The following CPS1 variants were observed in gnomAD, a reference collection of about 807,000 sequenced individuals.
CPS1 encodes carbamoyl-phosphate synthase 1, also known as carbamoyl-phosphate synthase [ammonia], mitochondrial.
In CPS1, 109 loss-of-function variants were observed where a neutral mutation model predicts 174.6. The observed-to-expected ratio is 0.62, with a 90% CI of 0.53 to 0.73. The LOEUF (loss-of-function observed/expected upper bound fraction) is 0.73, where lower values mean the gene tolerates loss of function less well. CPS1 is among the 30% of genes least tolerant of loss of function. CPS1 has a pLI of 0.00. For synonymous variants in CPS1, 637 were observed against 632.0 expected (o/e 1.01, Z -0.12); for missense variants, 1,689 against 1,821.9 (o/e 0.93, Z 1.33).
rs146010641 is a variant in CPS1 at position 210,600,259 on chromosome 2, G to C, written c.1550-296G>C. 3.7e-3 allele frequency among the ~76,000 whole-genome samples: 559 copies of C among 151,964 alleles called. 6 individuals carry two copies. Among genetic ancestry groups the C allele is most frequent in the African/African-American group, 0.012 (506 of 41,512 alleles). On this transcript the variant is annotated intron_variant, in intron 14 of 37. Coordinates refer to ENST00000233072, the MANE Select transcript of CPS1 (RefSeq NM_001875.5). ...ATCTCATTATAGAAATGGACTTTAG[G>C]AGGAAAGGGAATATATTGAAATCTT...
intron 34 of CPS1, chr2:210,671,975 T>C (rs1701321404): frequency 1.3e-5 from 2 of 152,154 alleles, no homozygotes; most frequent in African/African-American, 4.8e-5. Flanking sequence ...TATTACACAA[T>C]GAGTGAACGA....
chr2:210,667,345 A>G (rs543087611), intron 33 of CPS1, among the ~76,000 whole-genome samples: 6 of 151,988 alleles, frequency 3.9e-5, no homozygotes, highest in Admixed American at 3.3e-4. Context: ...ATTGCCCTGT[A>G]TTTACTCTAA....
upstream of CPS1, among the ~76,000 whole-genome samples, chr2:210,555,269 T>G (rs1696877256): frequency 6.6e-6 from 1 of 152,026 alleles, no homozygotes; most frequent in Non-Finnish European, 1.5e-5. Context: ...TTTGCATCCT[T>G]CAGTATAACA....
chr2:210,579,013 C>T lies in CPS1; in HGVS notation c.472-701C>T, dbSNP rs946893347. ...GTAGAAAAGAATCCAAGATAATAACCAGTTCACCTCCTTCAATTTACCGGT... is the reference window on the plus strand; with the variant it reads ...GTAGAAAAGAATCCAAGATAATAACTAGTTCACCTCCTTCAATTTACCGGT... On this transcript the variant is annotated intron_variant, in intron 4 of 37. Coordinates refer to ENST00000233072, the MANE Select transcript of CPS1 (RefSeq NM_001875.5). Among the ~76,000 whole-genome samples the T allele has an allele frequency of 2.0e-5, 3 of 152,052 alleles. No homozygotes were observed. The South Asian group carries it at 6.2e-4, about 32-fold the overall frequency.
intron 1 of CPS1, among the ~76,000 whole-genome samples, chr2:210,550,966 GTTTCT>G: frequency 6.6e-6 from 1 of 151,790 alleles, no homozygotes; most frequent in African/African-American, 2.4e-5. Flanking sequence ...TGAACATTGA[GTTTCT>G]TTTCTTAAAT....
chr2:210,507,380 C>T (rs544539978), intron 1 of CPS1, among the ~76,000 whole-genome samples: 2 of 152,258 alleles, frequency 1.3e-5, no homozygotes, highest in East Asian at 3.9e-4. Flanking sequence ...GAAGGAAGCA[C>T]TAAACATGGA....
chr2:210,498,932 C>T (rs765676164), intron 1 of CPS1, among the ~76,000 whole-genome samples: 1 of 152,160 alleles, frequency 6.6e-6, no homozygotes, highest in Non-Finnish European at 1.5e-5. Flanking sequence ...TGTGCTTCAC[C>T]ATGGTGTCTG....
rs1698246518 is a variant in CPS1 at position 210,590,202 on chromosome 2, C to G, written c.808C>G (p.Leu270Val). 6.2e-7 allele frequency: 1 copy of G among 1,612,850 alleles called. No individual in the cohort carries two copies. The highest frequency in any genetic ancestry group is 1.1e-5 in the South Asian group (1 of 91,062). ...LIAGGPGNPA[L>V]AEPLIQNVRK... ...CGCGGGAGGACCGGGGAACCCAGCT[C>G]TTGCAGAACCACTAATTCAGAATGT... The change falls in exon 8 of 38, where the codon CTT becomes GTT. Residue 270 changes from leucine to valine, a missense_variant. By Grantham distance (32) the Leu-to-Val change is conservative. Transcript: ENST00000233072.
chr2:210,505,142 C>A (rs894138019), intron 1 of CPS1, among the ~76,000 whole-genome samples: 1 of 151,580 alleles, frequency 6.6e-6, no homozygotes, highest in Non-Finnish European at 1.5e-5. Flanking sequence ...CTGAAATGAG[C>A]TATTTCCAAG....
At chr2:210,537,395 A>G (rs1313217817) in intron 1 of CPS1, among the ~76,000 whole-genome samples, 3 of 152,204 alleles carry the variant, frequency 2.0e-5, no homozygotes, top group African/African-American at 4.8e-5. Context: ...GGGTTAATAA[A>G]GGATTTGTGT....
At chr2:210,633,525 T>A (rs1235457598) in intron 21 of CPS1, among the ~76,000 whole-genome samples, 1 of 152,228 alleles carries the variant, frequency 6.6e-6, no homozygotes, top group African/African-American at 2.4e-5. Context: ...AAATTATGCA[T>A]ATTCCAGAAA....
intron 1 of CPS1, among the ~76,000 whole-genome samples, chr2:210,557,388 T>A (rs1559075201): frequency 1.3e-5 from 2 of 152,144 alleles, no homozygotes; most frequent in South Asian, 2.1e-4. Flanking sequence ...CTTTTCCTTC[T>A]GGCTGTTTTT....
At chr2:210,631,971 C>T (rs1175403796) in intron 21 of CPS1, among the ~76,000 whole-genome samples, 2 of 152,124 alleles carry the variant, frequency 1.3e-5, no homozygotes, top group Non-Finnish European at 2.9e-5. Context: ...ACATTTCTAG[C>T]TGGGCATAAA....
chr2:210,538,102 CTTTG>C (rs893288226), intron 1 of CPS1, among the ~76,000 whole-genome samples: 4 of 152,090 alleles, frequency 2.6e-5, no homozygotes, highest in African/African-American at 4.8e-5. Flanking sequence ...ACATTAGCCA[CTTTG>C]TTTGTGGCAG....
At chr2:210,497,448 G>C (rs1695018723) in intron 1 of CPS1, among the ~76,000 whole-genome samples, 1 of 151,810 alleles carries the variant, frequency 6.6e-6, no homozygotes, top group Admixed American at 6.6e-5. Flanking sequence ...TGTTACATAG[G>C]TATATTGTGT....
intron 5 of CPS1, 93 bp downstream of exon 5, chr2:210,579,863 T>C: frequency 9.7e-7 from 1 of 1,031,316 alleles, no homozygotes; most frequent in African/African-American, 1.6e-5. Context: ...AAGGGATCCA[T>C]TAATATGTAA....
chr2:210,592,921 C>T lies in CPS1; in HGVS notation c.1129C>T (p.His377Tyr). 4 of 1,612,390 alleles carry T rather than the reference C, an allele frequency of 2.5e-6. No individual in the cohort carries two copies. Among genetic ancestry groups the T allele is most frequent in the African/African-American group, 1.3e-5 (1 of 74,836 alleles). The change falls in exon 11 of 38, where the codon CAC (histidine) becomes TAC (tyrosine). Residue 377 changes from histidine (H) to tyrosine (Y), a missense_variant. His to Tyr is a moderately conservative substitution (Grantham distance 83). Coordinates refer to ENST00000233072, the MANE Select transcript of CPS1 (RefSeq NM_001875.5). ...ESKPFFAVQF[H>Y]PEVTPGPIDT... ...CAAACCCTTCTTCGCTGTGCAGTTC[C>T]ACCCAGAGGTCACCCCGGGGCCAAT...
At chr2:210,554,428 A>G (rs182711015), upstream of CPS1, among the ~76,000 whole-genome samples, 828 of 151,882 alleles carry the variant, frequency 5.5e-3, 7 homozygotes, top group African/African-American at 0.017. Flanking sequence ...TGACATTTCT[A>G]TGGAAAAACA....
chr2:210,598,607 C>T (rs1698586984), intron 13 of CPS1, among the ~76,000 whole-genome samples: 1 of 151,718 alleles, frequency 6.6e-6, no homozygotes, highest in Admixed American at 6.6e-5. Context: ...GATTTAAAAA[C>T]AGACAAAGAA....
Sources: gnomAD v4.1 joint callset for allele counts (sites outside exome capture counted in the v4.1 genomes callset) on GRCh38, gnomAD v4.1.1 for gene constraint, MANE v1.5 for transcripts, NCBI Gene and HGNC (gene_info 2026-07-23, HGNC 2026-07-21) for gene names.